ANKS1B: variants seen among roughly 807,000 people sequenced by gnomAD.
ANKS1B encodes ankyrin repeat and sterile alpha motif domain containing 1B, also known as ankyrin repeat and sterile alpha motif domain-containing protein 1B.
In ANKS1B, 36 loss-of-function variants were observed where a neutral mutation model predicts 148.3. That is an observed-to-expected ratio of 0.24 (90% CI 0.19 to 0.32). The LOEUF (loss-of-function observed/expected upper bound fraction) is 0.32. Among genes scored for constraint, ANKS1B ranks in the 10% least tolerant of loss-of-function variants. ANKS1B has a pLI of 1.00. For missense variants in ANKS1B, 1,157 were observed against 1,542.6 expected, an observed-to-expected ratio of 0.75 and a Z score of 4.19; for synonymous variants, 542 against 560.8, an observed-to-expected ratio of 0.97 and a Z score of 0.47.
intron 11 of ANKS1B, among the ~76,000 whole-genome samples, chr12:99,443,307 G>T (rs950127402): frequency 3.3e-5 from 5 of 151,936 alleles, no homozygotes; most frequent in Admixed American, 3.3e-4. Context: ...CACAAACCAT[G>T]CAGCATTGTC....
At chr12:99,277,949 C>T (rs2077891855) in intron 12 of ANKS1B, among the ~76,000 whole-genome samples, 1 of 152,190 alleles carries the variant, frequency 6.6e-6, no homozygotes, top group Non-Finnish European at 1.5e-5. Context: ...TCATTCTCAG[C>T]AGATTCACTT....
At chr12:99,174,980 C>T (rs2153837248) in intron 14 of ANKS1B, among the ~76,000 whole-genome samples, 1 of 152,220 alleles carries the variant, frequency 6.6e-6, no homozygotes, top group Non-Finnish European at 1.5e-5. Flanking sequence ...AAGGAATTCT[C>T]TACTTCAGTA....
chr12:99,559,039 A>C (rs1490923983), intron 9 of ANKS1B, among the ~76,000 whole-genome samples: 1 of 152,098 alleles, frequency 6.6e-6, no homozygotes, highest in Non-Finnish European at 1.5e-5. Flanking sequence ...GGGGACCAGT[A>C]ATGAATCTTG....
intron 12 of ANKS1B, among the ~76,000 whole-genome samples, chr12:99,247,427 A>G (rs2074007676): frequency 6.6e-6 from 1 of 152,232 alleles, no homozygotes; most frequent in African/African-American, 2.4e-5. Context: ...TGCAGATTAC[A>G]TAATTTAGAC....
At chr12:99,680,546 G>A (rs899379770) in intron 8 of ANKS1B, among the ~76,000 whole-genome samples, 9 of 152,204 alleles carry the variant, frequency 5.9e-5, no homozygotes, top group African/African-American at 2.2e-4. Flanking sequence ...AAGTGGAACT[G>A]GGGAAGGACC....
At chr12:99,285,122 A>G (rs928243309) in intron 12 of ANKS1B, among the ~76,000 whole-genome samples, 1 of 152,138 alleles carries the variant, frequency 6.6e-6, no homozygotes, top group Non-Finnish European at 1.5e-5. Context: ...CATGTCCCTC[A>G]TTATCTTCTC....
intron 17 of ANKS1B, among the ~76,000 whole-genome samples, chr12:98,953,536 GGTTT>G (rs1272892984): frequency 6.4e-5 from 6 of 94,356 alleles, no homozygotes; most frequent in East Asian, 4.8e-4. Context: ...AATCTAGAGT[GGTTT>G]TTTTTTTTTT....
chr12:99,207,731 T>C (rs2082854577), intron 14 of ANKS1B, among the ~76,000 whole-genome samples: 1 of 152,070 alleles, frequency 6.6e-6, no homozygotes, highest in Admixed American at 6.6e-5. Context: ...GAAAAATAAG[T>C]AATATTTTTG....
intron 9 of ANKS1B, among the ~76,000 whole-genome samples, chr12:99,506,139 C>T (rs2096709814): frequency 6.6e-6 from 1 of 152,034 alleles, no homozygotes; most frequent in African/African-American, 2.4e-5. Flanking sequence ...GCTTTCACAC[C>T]ATTGCAAAGT....
intron 17 of ANKS1B, among the ~76,000 whole-genome samples, chr12:98,854,450 T>C (rs938349954): frequency 7.2e-5 from 11 of 152,346 alleles, no homozygotes; most frequent in Admixed American, 2.0e-4. Context: ...AGGACTCATT[T>C]ATGAGCCAGG....
rs768305114 is a variant in ANKS1B, at chr12:99,832,180, T to C, written c.135-6791A>G. Reference sequence around the variant, plus strand: ...TGGCAATACATAATCAAATTTCAAATATGAATACTCTTAGACCCAACAACT... The same window carrying C: ...TGGCAATACATAATCAAATTTCAAACATGAATACTCTTAGACCCAACAACT... On this transcript the variant is annotated intron_variant, in intron 1 of 26. Transcript: ENST00000683438. Among the ~76,000 whole-genome samples the C allele has an allele frequency of 4.3e-4, 66 of 152,232 alleles. 1 individual carries two copies. Among genetic ancestry groups the C allele is most frequent in the Non-Finnish European group, 5.9e-5 (4 of 68,050 alleles).
Position 99,693,022 on chromosome 12 carries a change from G to A in ANKS1B, c.1129-37812C>T, listed in dbSNP as rs186114243. Among the ~76,000 whole-genome samples the A allele has an allele frequency of 5.1e-3, 770 of 152,230 alleles. 9 individuals carry two copies. Among genetic ancestry groups the A allele is most frequent in the African/African-American group, 0.017 (693 of 41,530 alleles). On this transcript the variant is annotated intron_variant, in intron 8 of 26. Coordinates refer to ENST00000683438, the MANE Select transcript of ANKS1B (RefSeq NM_001352186.2). ...GCAAGTGTGTTAATTGAAAATACAA[G>A]GTTTTCTGTGCCTAATCCCTGGAAA... is the stretch of plus-strand genomic sequence containing the variant.
chr12:99,356,294 T>C (rs922353324), intron 12 of ANKS1B, among the ~76,000 whole-genome samples: 1 of 152,128 alleles, frequency 6.6e-6, no homozygotes, highest in Non-Finnish European at 1.5e-5. Flanking sequence ...CCTTCAGAAC[T>C]TTATGGAAAT....
intron 8 of ANKS1B, among the ~76,000 whole-genome samples, chr12:99,749,941 G>A (rs1324352075): frequency 6.6e-6 from 1 of 151,932 alleles, no homozygotes; most frequent in African/African-American, 2.4e-5. Flanking sequence ...AGAAAAAAAC[G>A]AAAAATAGTA....
chr12:98,878,948 G>C (rs1404641039), intron 17 of ANKS1B, among the ~76,000 whole-genome samples: 9 of 152,160 alleles, frequency 5.9e-5, no homozygotes, highest in Admixed American at 5.9e-4. Flanking sequence ...TCAATGCAGA[G>C]ACTCTAACAA....
intron 1 of ANKS1B, among the ~76,000 whole-genome samples, chr12:99,942,951 C>T (rs1026978621): frequency 2.6e-5 from 4 of 152,126 alleles, no homozygotes; most frequent in African/African-American, 4.8e-5. Context: ...ATTTGATTCA[C>T]GAATGACCAC....
intron 17 of ANKS1B, among the ~76,000 whole-genome samples, chr12:98,989,059 T>C (rs1164958938): frequency 1.3e-5 from 2 of 152,212 alleles, no homozygotes; most frequent in African/African-American, 2.4e-5. Flanking sequence ...ACTCTGTAGG[T>C]TGTCTTTTCA....
chr12:98,742,869 G>T (rs1277793389), downstream of ANKS1B, among the ~76,000 whole-genome samples: 2 of 152,208 alleles, frequency 1.3e-5, no homozygotes, highest in African/African-American at 4.8e-5. Flanking sequence ...ATATGGGGTG[G>T]GCCAGTGGGC....
intron 15 of ANKS1B, among the ~76,000 whole-genome samples, chr12:99,146,973 C>G (rs1377545370): frequency 6.6e-6 from 1 of 152,130 alleles, no homozygotes; most frequent in Non-Finnish European, 1.5e-5. Flanking sequence ...TATCTATGTA[C>G]TGGCTATGGC....
Sources: allele counts gnomAD v4.1 joint callset (sites outside exome capture counted in the v4.1 genomes callset), GRCh38; gene constraint gnomAD v4.1.1; transcripts MANE v1.5; gene names NCBI Gene and HGNC (gene_info 2026-07-23, HGNC 2026-07-21).